Variants in EHD3 observed in about 807,000 individuals in gnomAD.
The protein encoded by EHD3 is EH domain-containing protein 3.
In EHD3, 17 loss-of-function variants were observed where a neutral mutation model predicts 43.0. The observed-to-expected ratio is 0.40, with a 90% CI of 0.27 to 0.59. The LOEUF (loss-of-function observed/expected upper bound fraction) is 0.59. Among genes scored for constraint, EHD3 ranks in the 20% least tolerant of loss-of-function variants. The pLI is 0.49. For missense variants in EHD3, 594 were observed against 705.6 expected (o/e 0.84, Z 1.79); for synonymous variants, 313 against 289.5 (o/e 1.08, Z -0.82).
At chr2:31,262,443 G>A (rs567560484) in intron 5 of EHD3, among the ~76,000 whole-genome samples, 10 of 152,322 alleles carry the variant, frequency 6.6e-5, no homozygotes, top group Middle Eastern at 3.4e-3. Flanking sequence ...ACAAAATCAC[G>A]CCTTATACAG....
chr2:31,268,917 A>T lies in EHD3; in HGVS notation c.*2213A>T, dbSNP rs115835303. ...ACATGCCACTTTCCTGCCCTTCTAC[A>T]TATGCTGCCTCTCTTCCCTCTCTCC... On this transcript the variant is annotated 3_prime_UTR_variant, in exon 6 of 6. Transcript: ENST00000322054. The T allele has an allele frequency of 1.3e-5, 2 of 152,226 alleles. No homozygotes were observed. Among genetic ancestry groups the T allele is most frequent in the Non-Finnish European group, 2.9e-5 (2 of 68,088 alleles). The allele number at this position is 152,226 out of a possible 1,614,324, so 9.4% of individuals were successfully genotyped here.
chr2:31,244,135 G>T, intron 1 of EHD3, 139 bp from the exon 2 acceptor site: 1 of 666,574 alleles, frequency 1.5e-6, no homozygotes, highest in Non-Finnish European at 2.3e-6. Flanking sequence ...TATCCAGCAG[G>T]CATTTCTCCC....
At chr2:31,244,253 G>A (rs772682956) in intron 1 of EHD3, 21 bp from the exon 2 acceptor site, 1 of 1,609,478 alleles carries the variant, frequency 6.2e-7, no homozygotes, top group South Asian at 1.1e-5. Context: ...CCTGCATTAG[G>A]ACTGTGCTTC....
chr2:31,257,212 C>T (rs1683767394), intron 3 of EHD3, among the ~76,000 whole-genome samples: 1 of 152,232 alleles, frequency 6.6e-6, no homozygotes, highest in Non-Finnish European at 1.5e-5. Flanking sequence ...TCTTAGCCCT[C>T]TGGCCCCTCC....
At chr2:31,245,929 G>A (rs574514624) in intron 2 of EHD3, among the ~76,000 whole-genome samples, 3 of 151,846 alleles carry the variant, frequency 2.0e-5, no homozygotes, top group Admixed American at 6.6e-5. Context: ...GACCTTTCTT[G>A]TAGTGGCATG....
intron 3 of EHD3, among the ~76,000 whole-genome samples, chr2:31,250,844 G>A (rs1355045610): frequency 6.6e-6 from 1 of 152,200 alleles, no homozygotes; most frequent in Non-Finnish European, 1.5e-5. Flanking sequence ...GGGGTTCTCT[G>A]GGAAGCAGCT....
chr2:31,259,407 C>T (rs1004040087), intron 3 of EHD3, among the ~76,000 whole-genome samples: 3 of 152,200 alleles, frequency 2.0e-5, no homozygotes, highest in African/African-American at 7.2e-5. Context: ...CCTACTGGGG[C>T]TCTGGGTGTC....
chr2:31,245,218 A>G (rs1683494671), intron 2 of EHD3, among the ~76,000 whole-genome samples: 1 of 152,320 alleles, frequency 6.6e-6, no homozygotes, highest in Non-Finnish European at 1.5e-5. Context: ...TTGCCTTCAG[A>G]TAGACCTGGG....
chr2:31,234,519 C>A lies in EHD3; in HGVS notation c.-103C>A. The A allele has an allele frequency of 2.2e-6, 3 of 1,347,698 alleles. No individual in the cohort carries two copies. Among genetic ancestry groups the A allele is most frequent in the Non-Finnish European group, 3.1e-6 (3 of 981,526 alleles). 83.5% of individuals were successfully genotyped at this position (1,347,698 alleles called of 1,614,324 possible). ...GGCTGAGCCCCGCGCTTGGGTGAGG[C>A]GGCGGCGCGGCTCGGAGCCCGGCGG... On this transcript the variant is annotated 5_prime_UTR_variant, in exon 1 of 6. Transcript: ENST00000322054.
intron 3 of EHD3, 61 bp downstream of exon 3, chr2:31,249,529 C>G: frequency 6.7e-7 from 1 of 1,494,908 alleles, no homozygotes; most frequent in Non-Finnish European, 9.3e-7. Flanking sequence ...CGTTCAGTCT[C>G]TTACATACCA....
intron 3 of EHD3, among the ~76,000 whole-genome samples, chr2:31,253,375 C>T (rs749434861): frequency 6.6e-6 from 1 of 152,128 alleles, no homozygotes; most frequent in Non-Finnish European, 1.5e-5. Flanking sequence ...GGGTGCTTCT[C>T]GCCTTACTCC....
At chr2:31,244,511 G>A (rs1683483412) in intron 2 of EHD3, 61 bp downstream of exon 2, 5 of 1,560,284 alleles carry the variant, frequency 3.2e-6, no homozygotes, top group Admixed American at 3.5e-5. Context: ...GGTATGGGGA[G>A]TGAAAGAACA....
Position 31,268,590 on chromosome 2 carries a change from C to T in EHD3, c.*1886C>T, listed in dbSNP as rs1683997912. ...AACCCAGGCACAGCTGGTGGAGCCA[C>T]CGCTCCCTGCTCCTCTGGAGTGAAG... On this transcript the variant is annotated 3_prime_UTR_variant, in exon 6 of 6. Coordinates refer to ENST00000322054, the MANE Select transcript of EHD3 (RefSeq NM_014600.3). 1 of 152,254 alleles carries T rather than the reference C, an allele frequency of 6.6e-6. No homozygotes were observed. 9.4% of individuals were successfully genotyped at this position (152,254 alleles called of 1,614,324 possible).
chr2:31,265,445 G>A (rs777648616), intron 5 of EHD3, among the ~76,000 whole-genome samples: 43 of 152,164 alleles, frequency 2.8e-4, no homozygotes, highest in Non-Finnish European at 2.8e-4. Context: ...CTCCCTTATT[G>A]TCTTCTGGGA....
intron 2 of EHD3, among the ~76,000 whole-genome samples, chr2:31,247,870 G>A (rs1683556815): frequency 6.6e-6 from 1 of 152,206 alleles, no homozygotes; most frequent in Non-Finnish European, 1.5e-5. Context: ...AAATACTGAA[G>A]AGAGAAAGAG....
intron 1 of EHD3, among the ~76,000 whole-genome samples, chr2:31,240,843 A>T (rs752985052): frequency 3.3e-5 from 5 of 152,074 alleles, no homozygotes; most frequent in Non-Finnish European, 7.4e-5. Flanking sequence ...GGAGCCTTTG[A>T]TGATCCCTAC....
chr2:31,248,949 A>C (rs1305532216), intron 2 of EHD3, among the ~76,000 whole-genome samples: 1 of 152,132 alleles, frequency 6.6e-6, no homozygotes, highest in Non-Finnish European at 1.5e-5. Flanking sequence ...CTCATTGGCT[A>C]TCTAAAGAAG....
At chr2:31,258,153 T>A (rs1408714154) in intron 3 of EHD3, among the ~76,000 whole-genome samples, 9 of 152,164 alleles carry the variant, frequency 5.9e-5, no homozygotes, top group Non-Finnish European at 1.0e-4. Flanking sequence ...AAGCACTTCA[T>A]TTACCAAAGA....
chr2:31,269,413 A>G lies in EHD3; in HGVS notation c.*2709A>G, dbSNP rs1684011673. 6.6e-6 allele frequency: 1 copy of G among 152,230 alleles called. No individual in the cohort carries two copies. The highest frequency in any genetic ancestry group is 2.4e-5 in the African/African-American group (1 of 41,466). 9.4% of individuals were successfully genotyped at this position (152,230 alleles called of 1,614,324 possible). ...TATGCAAAGTCCCACGGACAAGAGT[A>G]AAGTCTGATACCAATAAAGTGAATG... On this transcript the variant is annotated 3_prime_UTR_variant, in exon 6 of 6. Transcript: ENST00000322054.
Sources: gnomAD v4.1 joint callset for allele counts (sites outside exome capture counted in the v4.1 genomes callset) on GRCh38, gnomAD v4.1.1 for gene constraint, MANE v1.5 for transcripts, NCBI Gene and HGNC (gene_info 2026-07-23, HGNC 2026-07-21) for gene names.